The following TM2D3 variants were observed in gnomAD, a reference collection of about 807,000 sequenced individuals.
TM2D3 encodes the protein TM2 domain-containing protein 3.
Under a neutral mutation model 27.3 loss-of-function variants are expected in TM2D3, and 33 were observed. The observed-to-expected ratio is 1.21, with a 90% CI of 0.92 to 1.61. The LOEUF is 1.61. Among genes scored for constraint, TM2D3 ranks in the 40% most tolerant of loss-of-function variants. The pLI is 0.00. For synonymous variants in TM2D3, 138 were observed against 122.2 expected (o/e 1.13, Z -0.85); for missense variants, 364 against 320.8 (o/e 1.13, Z -1.03).
chr15:101,644,773 GTTAC>G (rs1394368646), intron 5 of TM2D3, among the ~76,000 whole-genome samples: 1 of 151,982 alleles, frequency 6.6e-6, no homozygotes, highest in Middle Eastern at 3.2e-3. Context: ...TTTTATAATA[GTTAC>G]TTAAAATTAA....
exon 5 of TM2D3, chr15:101,633,499 G>C (rs558811109): frequency 2.0e-6 from 1 of 489,424 alleles, no homozygotes; most frequent in East Asian, 3.1e-5. Context: ...CTCAGATCCC[G>C]AAGGACACCC....
chr15:101,650,334 G>T, intron 2 of TM2D3, 173 bp from the exon 3 acceptor site: 1 of 573,154 alleles, frequency 1.7e-6, no homozygotes. Flanking sequence ...TCTGCCCACG[G>T]CCAGCTGTGG....
chr15:101,633,781 C>A, intron 4 of TM2D3: 2 of 1,437,814 alleles, frequency 1.4e-6, no homozygotes, highest in South Asian at 1.3e-5. Context: ...GTTCTTATGA[C>A]ATAATATCCA....
intron 1 of TM2D3, 181 bp from the exon 2 acceptor site, chr15:101,651,954 C>G: frequency 4.7e-6 from 3 of 644,568 alleles, no homozygotes; most frequent in East Asian, 5.5e-5. Context: ...GACATCAGTT[C>G]AGGTCAGCCG....
Position 101,650,106 on chromosome 15 carries a change from G to A in TM2D3, c.225C>T (p.Ser75=). The A allele has an allele frequency of 6.2e-7, 1 of 1,614,162 alleles. No individual in the cohort carries two copies. The highest frequency in any genetic ancestry group is 8.5e-7 in the Non-Finnish European group (1 of 1,180,002). Residue 75 remains serine, a synonymous_variant, in exon 3 of 6, where the codon AGC becomes AGT. Coordinates refer to ENST00000333202, the MANE Select transcript of TM2D3 (RefSeq NM_078474.3). ...AGTCTATACAGTCTGCAGGAAGCCT[G>A]CTACACAAACCATTGCTCGGACACT... is the stretch of plus-strand genomic sequence containing the variant. ...VMKCPSNGLC[S]RLPADCIDCT...
chr15:101,636,407 T>A (rs1896551171), intron 4 of TM2D3: 1 of 152,188 alleles, frequency 6.6e-6, no homozygotes, highest in African/African-American at 2.4e-5. Flanking sequence ...GAAAGTCATG[T>A]AAGCTGGTTT....
At chr15:101,652,157 G>C in intron 1 of TM2D3, 114 bp downstream of exon 1, 1 of 1,015,686 alleles carries the variant, frequency 9.8e-7, no homozygotes, top group Non-Finnish European at 1.5e-6. Flanking sequence ...CCGGAGCCCG[G>C]CACTCGGCCT....
chr15:101,642,041 C>T lies in TM2D3; in HGVS notation c.*438G>A, dbSNP rs1166854608. On this transcript the variant is annotated 3_prime_UTR_variant, in exon 6 of 6. Coordinates refer to ENST00000333202, the MANE Select transcript of TM2D3 (RefSeq NM_078474.3). ...GCTGAGCCTAATAACTTCAATTAGC[C>T]AACAACAGAAACACTCCCACTTCCT... is the stretch of plus-strand genomic sequence containing the variant. The T allele has an allele frequency of 1.0e-6, 1 of 986,392 alleles. No homozygotes were observed. The highest frequency in any genetic ancestry group is 1.2e-6 in the Non-Finnish European group (1 of 830,504). The allele number at this position is 986,392 out of a possible 1,614,324, so 61.1% of individuals were successfully genotyped here.
At chr15:101,633,912 C>G (rs1228347654) in intron 4 of TM2D3, 3 of 457,622 alleles carry the variant, frequency 6.6e-6, no homozygotes, top group South Asian at 5.6e-5. Flanking sequence ...GATTACCTGA[C>G]AAGAATTTTA....
chr15:101,641,029 T>C (rs919164359), downstream of TM2D3, among the ~76,000 whole-genome samples: 1 of 152,224 alleles, frequency 6.6e-6, no homozygotes, highest in Non-Finnish European at 1.5e-5. Flanking sequence ...GCATGGTTGC[T>C]CAACAGGGAA....
exon 5 of TM2D3, chr15:101,633,539 C>T: frequency 1.6e-6 from 1 of 624,338 alleles, no homozygotes; most frequent in Non-Finnish European, 2.6e-6. Context: ...CCTGAATAAG[C>T]AGTTCCTATC....
At position 101,646,844 on chromosome 15, in the gene TM2D3, C is replaced by A; in HGVS notation, c.383G>T (p.Cys128Phe). The change falls in exon 4 of 6, where the codon TGC (cysteine) becomes TTC (phenylalanine). Residue 128 changes from cysteine (C) to phenylalanine (F), a missense_variant. Physicochemically the swap from Cys to Phe is radical, Grantham distance 205. Transcript: ENST00000333202. ...NFIINMTCRF[C>F]WQLPETDYEC... ...GTAATCTGTTTCAGGAAGCTGCCAG[C>A]AAAATCTGCAAGTCATGTTAATGAT... 1 of 1,614,174 alleles carries A rather than the reference C, an allele frequency of 6.2e-7. No homozygotes were observed. The highest frequency in any genetic ancestry group is 8.5e-7 in the Non-Finnish European group (1 of 1,180,024).
At chr15:101,646,672 A>G (rs1896818694) in intron 4 of TM2D3, 53 bp downstream of exon 4, 10 of 1,609,518 alleles carry the variant, frequency 6.2e-6, no homozygotes, top group Admixed American at 5.0e-5. Context: ...AGTCCCTTCA[A>G]TAAACTTGGA....
At chr15:101,633,821 A>G in intron 4 of TM2D3, 2 of 1,132,362 alleles carry the variant, frequency 1.8e-6, no homozygotes, top group Non-Finnish European at 2.4e-6. Flanking sequence ...AAAAATCCAT[A>G]TACCAAGAAC....
downstream of TM2D3, among the ~76,000 whole-genome samples, chr15:101,638,170 C>A (rs118090319): frequency 6.6e-6 from 1 of 152,154 alleles, no homozygotes; most frequent in African/African-American, 2.4e-5. Context: ...TGTTTGTTCA[C>A]GAGCCCTCTC....
downstream of TM2D3, among the ~76,000 whole-genome samples, chr15:101,641,473 T>C (rs926272047): frequency 4.6e-5 from 7 of 152,198 alleles, no homozygotes; most frequent in African/African-American, 1.7e-4. Context: ...CTGAATGAAA[T>C]ATGCAGATAT....
chr15:101,650,147 G>T lies in TM2D3; in HGVS notation c.184C>A (p.Pro62Thr). The part of the protein sequence containing the change: ...VPRAAESTEI[P>T]PYVMKCPSNG... ...CTCGGACACTTCATCACATAAGGTG[G>T]GATTTCAGTACTTTCTGTGAGAGGC... Residue 62 changes from proline to threonine, a missense_variant, in exon 3 of 6, where the codon CCA (proline) becomes ACA (threonine). Pro to Thr is a conservative substitution (Grantham distance 38). Transcript: ENST00000333202. The T allele has an allele frequency of 1.2e-6, 2 of 1,613,030 alleles. No individual in the cohort carries two copies. The highest frequency in any genetic ancestry group is 1.1e-5 in the South Asian group (1 of 90,922).
At chr15:101,633,824 C>A in intron 4 of TM2D3, 7 of 1,098,512 alleles carry the variant, frequency 6.4e-6, no homozygotes, top group Admixed American at 5.1e-5. Flanking sequence ...AATCCATATA[C>A]CAAGAACCAG....
At chr15:101,652,161 TC>T in intron 1 of TM2D3, 109 bp downstream of exon 1, 1 of 1,058,892 alleles carries the variant, frequency 9.4e-7, no homozygotes, top group Non-Finnish European at 1.4e-6. Flanking sequence ...AGCCCGGCAC[TC>T]GGCCTCCTCC....
Sources: gnomAD v4.1 joint callset for allele counts (sites outside exome capture counted in the v4.1 genomes callset) on GRCh38, gnomAD v4.1.1 for gene constraint, MANE v1.5 for transcripts, NCBI Gene and HGNC (gene_info 2026-07-23, HGNC 2026-07-21) for gene names.